The following ANKRD34B variants were observed in gnomAD, a reference collection of about 807,000 sequenced individuals.
The protein encoded by ANKRD34B is ankyrin repeat domain-containing protein 34B.
A neutral mutation model predicts 4.4 loss-of-function variants in ANKRD34B; 2 were observed. The observed-to-expected ratio is 0.46, with a 90% CI of 0.19 to 1.44. The LOEUF (loss-of-function observed/expected upper bound fraction) is 1.44. ANKRD34B is among the 40% of genes most tolerant of loss of function. The pLI is 0.26. For synonymous variants in ANKRD34B, 226 were observed against 227.1 expected, an observed-to-expected ratio of 0.99 and a Z score of 0.05; for missense variants, 558 against 604.7, an observed-to-expected ratio of 0.92 and a Z score of 0.81.
At chr5:80,563,886 G>A (rs1438752084) in intron 3 of ANKRD34B, 71 bp from the exon 4 acceptor site, 1 of 152,138 alleles carries the variant, frequency 6.6e-6, no homozygotes, top group Non-Finnish European at 1.5e-5. Flanking sequence ...ATATAAATGG[G>A]CTTAATAGAT....
chr5:80,559,571 A>T lies in ANKRD34B; in HGVS notation c.449T>A (p.Ile150Asn). 1 of 1,614,156 alleles carries T rather than the reference A, an allele frequency of 6.2e-7. No individual in the cohort carries two copies. The highest frequency in any genetic ancestry group is 8.5e-7 in the Non-Finnish European group (1 of 1,180,032). The change falls in exon 5 of 5, where the codon ATC becomes AAC. Residue 150 changes from isoleucine (I) to asparagine (N), a missense_variant. Ile to Asn is a moderately radical substitution (Grantham distance 149). Transcript: ENST00000338682. ...ACAGGGCAACTTTGCTGTTGTGATGATGATGACCTCTTTCCCTTTTGCCTT... is the reference window on the plus strand; with the variant it reads ...ACAGGGCAACTTTGCTGTTGTGATGTTGATGACCTCTTTCCCTTTTGCCTT... Reference protein sequence around the residue: ...ACKAKGKEVIIITTAKLPCGK... With the variant: ...ACKAKGKEVINITTAKLPCGK...
At position 80,558,688 on chromosome 5, in the gene ANKRD34B, G is replaced by A. The variant is rs1212752928; in HGVS notation, c.1332C>T (p.Thr444=). The A allele has an allele frequency of 1.9e-6, 3 of 1,614,120 alleles. No homozygotes were observed. The highest frequency in any genetic ancestry group is 2.5e-6 in the Non-Finnish European group (3 of 1,179,980). ...AFPLDHSVTQ[T]RQGFLPPLNV... ...TTAAGGGTGGGAGAAACCCTTGTCTGGTTTGGGTAACACTGTGATCTAAAG... is the reference window on the plus strand; with the variant it reads ...TTAAGGGTGGGAGAAACCCTTGTCTAGTTTGGGTAACACTGTGATCTAAAG... The change falls in exon 5 of 5, where the codon ACC becomes ACT. Residue 444 remains threonine, a synonymous_variant. Transcript: ENST00000338682.
intron 3 of ANKRD34B, chr5:80,564,421 G>T (rs1398996698): frequency 6.6e-6 from 1 of 152,278 alleles, no homozygotes; most frequent in Non-Finnish European, 1.5e-5. Context: ...GGTGTCAGGA[G>T]GTTCTGGGAG....
At chr5:80,567,901 A>G (rs567622080) in intron 2 of ANKRD34B, among the ~76,000 whole-genome samples, 2 of 152,206 alleles carry the variant, frequency 1.3e-5, no homozygotes, top group Non-Finnish European at 1.5e-5. Context: ...CAAGTTATCA[A>G]CCTCTGGGAG....
chr5:80,570,017 C>G (rs1419913618), intron 1 of ANKRD34B, 137 bp downstream of exon 1: 1 of 152,374 alleles, frequency 6.6e-6, no homozygotes, highest in Admixed American at 6.5e-5. Flanking sequence ...GGGGCTTGCG[C>G]GCACCGGGCA....
chr5:80,563,347 A>G (rs1307039230), intron 4 of ANKRD34B, among the ~76,000 whole-genome samples: 1 of 152,170 alleles, frequency 6.6e-6, no homozygotes, highest in Non-Finnish European at 1.5e-5. Context: ...AACAGTACGC[A>G]TTTCATGTAC....
At chr5:80,566,198 A>G (rs1430688079) in intron 3 of ANKRD34B, among the ~76,000 whole-genome samples, 1 of 152,218 alleles carries the variant, frequency 6.6e-6, no homozygotes, top group Non-Finnish European at 1.5e-5. Context: ...GCCTTAGCAT[A>G]GCAGAGGAGG....
At chr5:80,560,103 T>G in intron 4 of ANKRD34B, 61 bp from the exon 5 acceptor site, 1 of 972,328 alleles carries the variant, frequency 1.0e-6, no homozygotes, top group Non-Finnish European at 1.5e-6. Flanking sequence ...CAACTTATAT[T>G]CATTTTGTCA....
intron 3 of ANKRD34B, among the ~76,000 whole-genome samples, chr5:80,565,478 A>G (rs1398891820): frequency 1.3e-5 from 2 of 152,256 alleles, no homozygotes; most frequent in Admixed American, 6.5e-5. Context: ...ACAGGTGTCA[A>G]TCGTGACTCT....
Position 80,559,922 on chromosome 5 carries a change from C to A in ANKRD34B, c.98G>T (p.Gly33Val). ...LRLTRLLLEG[G>V]AYINESNDRG... Reference sequence around the variant, plus strand: ...GTCGTTGCTCTCATTAATGTAGGCACCGCCTTCTAGCAAAAGTCTTGTGAG... The same window carrying A: ...GTCGTTGCTCTCATTAATGTAGGCAACGCCTTCTAGCAAAAGTCTTGTGAG... Residue 33 changes from glycine (G) to valine (V), a missense_variant, in exon 5 of 5, where the codon GGT (glycine) becomes GTT (valine). Gly to Val is a moderately radical substitution (Grantham distance 109, BLOSUM62 -3). Transcript: ENST00000338682. The A allele has an allele frequency of 2.5e-6, 4 of 1,614,214 alleles. No homozygotes were observed. The highest frequency in any genetic ancestry group is 3.4e-6 in the Non-Finnish European group (4 of 1,180,038).
chr5:80,560,908 C>A (rs532093617), intron 4 of ANKRD34B, among the ~76,000 whole-genome samples: 1 of 152,132 alleles, frequency 6.6e-6, no homozygotes, highest in African/African-American at 2.4e-5. Flanking sequence ...GTTAAAATAA[C>A]TGACATAATA....
chr5:80,561,770 A>G (rs1746411611), intron 4 of ANKRD34B, among the ~76,000 whole-genome samples: 1 of 152,184 alleles, frequency 6.6e-6, no homozygotes, highest in Non-Finnish European at 1.5e-5. Flanking sequence ...GGAGAAATAG[A>G]TAATACTCCT....
intron 4 of ANKRD34B, among the ~76,000 whole-genome samples, chr5:80,562,260 T>C (rs1746425896): frequency 6.6e-6 from 1 of 152,128 alleles, no homozygotes; most frequent in African/African-American, 2.4e-5. Context: ...CCAGAGCTAC[T>C]GAATCACAGC....
intron 3 of ANKRD34B, among the ~76,000 whole-genome samples, chr5:80,564,841 G>C (rs1235839944): frequency 6.6e-6 from 1 of 151,972 alleles, no homozygotes; most frequent in Non-Finnish European, 1.5e-5. Context: ...GAGTAGCTGG[G>C]ATTACAGGTG....
At position 80,570,220 on chromosome 5, in the gene ANKRD34B, T is replaced by C. The variant is rs1746719240; in HGVS notation, c.-405A>G. On this transcript the variant is annotated 5_prime_UTR_variant, in exon 1 of 5. Transcript: ENST00000338682. ...CTCTCCGGCACTGCCCGACCCTCTGTGCGGCCCTAGGGCGCCGTCTGAGCT... is the reference window on the plus strand; with the variant it reads ...CTCTCCGGCACTGCCCGACCCTCTGCGCGGCCCTAGGGCGCCGTCTGAGCT... 1 of 152,308 alleles carries C rather than the reference T, an allele frequency of 6.6e-6. No individual in the cohort carries two copies. The highest frequency in any genetic ancestry group is 6.5e-5 in the Admixed American group (1 of 15,284). 9.4% of individuals were successfully genotyped at this position (152,308 alleles called of 1,614,324 possible).
chr5:80,559,159 G>A lies in ANKRD34B; in HGVS notation c.861C>T (p.Ser287=), dbSNP rs138558903. 6.2e-7 allele frequency: 1 copy of A among 1,614,198 alleles called. No individual in the cohort carries two copies. ...LSYKTNGLAL[S]KRFITRHQSI... Reference sequence around the variant, plus strand: ...TTTGGTGCCTAGTGATGAACCGCTTGGAAAGTGCCAGCCCATTGGTTTTAT... The same window carrying A: ...TTTGGTGCCTAGTGATGAACCGCTTAGAAAGTGCCAGCCCATTGGTTTTAT... The change falls in exon 5 of 5, where the codon TCC becomes TCT. Residue 287 remains serine (S), a synonymous_variant. Transcript: ENST00000338682.
chr5:80,558,645 G>C lies in ANKRD34B; in HGVS notation c.1375C>G (p.Pro459Ala). The C allele has an allele frequency of 6.2e-7, 1 of 1,614,210 alleles. No homozygotes were observed. Among genetic ancestry groups the C allele is most frequent in the Non-Finnish European group, 8.5e-7 (1 of 1,180,028 alleles). The part of the protein sequence containing the change: ...LPPLNVNSHP[P>A]ISDINVNNKI... ...TTGTTGACATTGATATCTGAGATGG[G>C]AGGGTGAGAATTTACATTTAAGGGT... The change falls in exon 5 of 5, where the codon CCC becomes GCC. Residue 459 changes from proline to alanine, a missense_variant. Coordinates refer to ENST00000338682, the MANE Select transcript of ANKRD34B (RefSeq NM_001004441.3).
In ANKRD34B at chr5:80,558,860, C is replaced by T; in HGVS notation, c.1160G>A (p.Gly387Asp). The change falls in exon 5 of 5, where the codon GGC (glycine) becomes GAC (aspartate). Residue 387 changes from glycine (G) to aspartate (D), a missense_variant. Gly to Asp is a moderately conservative substitution (Grantham distance 94). Coordinates refer to ENST00000338682, the MANE Select transcript of ANKRD34B (RefSeq NM_001004441.3). Reference protein sequence around the residue: ...AGLTPPTSEDGKALIGKKKIL... With the variant: ...AGLTPPTSEDDKALIGKKKIL... ...CTTTTTCTTTCCTATAAGTGCTTTG[C>T]CGTCTTCTGAAGTTGGAGGGGTAAG... is the stretch of plus-strand genomic sequence containing the variant. 1 of 1,613,892 alleles carries T rather than the reference C, an allele frequency of 6.2e-7. No homozygotes were observed. The highest frequency in any genetic ancestry group is 8.5e-7 in the Non-Finnish European group (1 of 1,179,986).
At chr5:80,569,888 G>T (rs1326425587) in intron 1 of ANKRD34B, among the ~76,000 whole-genome samples, 2 of 152,202 alleles carry the variant, frequency 1.3e-5, no homozygotes, top group Non-Finnish European at 2.9e-5. Context: ...CGCGCCCCGG[G>T]GTGGCGGGGC....
Sources: allele counts gnomAD v4.1 joint callset (sites outside exome capture counted in the v4.1 genomes callset), GRCh38; gene constraint gnomAD v4.1.1; transcripts MANE v1.5; gene names NCBI Gene and HGNC (gene_info 2026-07-23, HGNC 2026-07-21).